The following DNAH9 variants were observed in gnomAD, a reference collection of about 807,000 sequenced individuals.
DNAH9 encodes the protein DNAH9 variant protein.
In DNAH9, 345 loss-of-function variants were observed where a neutral mutation model predicts 471.6. The observed-to-expected ratio is 0.73, with a 90% confidence interval of 0.67 to 0.80. The LOEUF (loss-of-function observed/expected upper bound fraction) is 0.80, where lower values mean the gene tolerates loss of function less well. Among genes scored for constraint, DNAH9 ranks in the 30% least tolerant of loss-of-function variants. The pLI, the probability that DNAH9 is intolerant of heterozygous loss-of-function variation, is 0.00. For missense variants in DNAH9, 5,407 were observed against 5,609.2 expected (o/e 0.96, Z 1.15); for synonymous variants, 2,093 against 2,123.6 (o/e 0.99, Z 0.40).
At chr17:11,713,578 G>T (rs2074910260) in intron 26 of DNAH9, among the ~76,000 whole-genome samples, 1 of 151,950 alleles carries the variant, frequency 6.6e-6, no homozygotes, top group African/African-American at 2.4e-5. Context: ...GTCTTTTGAA[G>T]TGCAAACGTT....
chr17:11,662,795 G>A (rs574739453), intron 14 of DNAH9, among the ~76,000 whole-genome samples: 96 of 107,302 alleles, frequency 8.9e-4, no homozygotes, highest in African/African-American at 3.2e-3. Flanking sequence ...TCGCTCTGTC[G>A]CCCAGGCTGG....
intron 17 of DNAH9, among the ~76,000 whole-genome samples, chr17:11,671,116 C>T (rs1000902604): frequency 7.9e-5 from 12 of 152,242 alleles, no homozygotes; most frequent in South Asian, 2.1e-4. Flanking sequence ...AGGACTGTGA[C>T]AGATGCCCCA....
In DNAH9 at chr17:11,836,832, A is replaced by G. The variant is rs900410432; in HGVS notation, c.9507+1934A>G. Among the ~76,000 whole-genome samples the G allele has an allele frequency of 4.6e-5, 7 of 152,348 alleles. No homozygotes were observed. The South Asian group carries it at 1.5e-3, about 32-fold the overall frequency. ...CTGATCATTCCTTGCCAAGAAGACA[A>G]ACGTCTTTCATAAGTTCTTTTCATA... On this transcript the variant is annotated intron_variant, in intron 49 of 68. Coordinates refer to ENST00000262442, the MANE Select transcript of DNAH9 (RefSeq NM_001372.4).
intron 28 of DNAH9, among the ~76,000 whole-genome samples, chr17:11,733,047 C>A (rs1025431870): frequency 5.3e-5 from 8 of 152,302 alleles, no homozygotes; most frequent in South Asian, 4.1e-4. Context: ...GGGAAAAAAA[C>A]CCAGAAATGT....
chr17:11,860,788 C>T (rs1266288409), intron 50 of DNAH9, among the ~76,000 whole-genome samples: 1 of 152,014 alleles, frequency 6.6e-6, no homozygotes, highest in Admixed American at 6.6e-5. Context: ...CTCGAACTCC[C>T]GACCTCAGGT....
chr17:11,882,888 A>T, intron 55 of DNAH9: 1 of 973,042 alleles, frequency 1.0e-6, no homozygotes. Flanking sequence ...GTCTTAAGGC[A>T]GGATCAAGAT....
At chr17:11,954,686 T>C (rs2151444220) in intron 67 of DNAH9, among the ~76,000 whole-genome samples, 1 of 151,390 alleles carries the variant, frequency 6.6e-6, no homozygotes, top group South Asian at 2.1e-4. Flanking sequence ...AAGAAATTTC[T>C]TAGAACCCAG....
intron 35 of DNAH9, among the ~76,000 whole-genome samples, chr17:11,762,317 C>G (rs1205790044): frequency 6.6e-6 from 1 of 152,160 alleles, no homozygotes; most frequent in Non-Finnish European, 1.5e-5. Context: ...CCTATGAACA[C>G]TTCATCCTGT....
At chr17:11,677,625 T>C (rs1197579311) in intron 17 of DNAH9, among the ~76,000 whole-genome samples, 1 of 152,216 alleles carries the variant, frequency 6.6e-6, no homozygotes, top group East Asian at 1.9e-4. Context: ...TTTTGTTCAT[T>C]AACATTGATC....
chr17:11,968,216 T>G (rs1680398119), intron 68 of DNAH9, among the ~76,000 whole-genome samples: 1 of 152,212 alleles, frequency 6.6e-6, no homozygotes, highest in African/African-American at 2.4e-5. Context: ...AAAAAGAGGT[T>G]CTACCTCTGT....
At chr17:11,861,887 ATTTG>A (rs1971862065) in intron 50 of DNAH9, among the ~76,000 whole-genome samples, 2 of 150,676 alleles carry the variant, frequency 1.3e-5, no homozygotes, top group South Asian at 4.2e-4. Flanking sequence ...TTTCTTGTAA[ATTTG>A]TTTGAGTTCA....
At chr17:11,818,375 G>T (rs1970177772) in intron 45 of DNAH9, among the ~76,000 whole-genome samples, 1 of 151,540 alleles carries the variant, frequency 6.6e-6, no homozygotes, top group African/African-American at 2.4e-5. Context: ...GTTGCAGTGA[G>T]CCAAGATCAT....
chr17:11,879,413 T>A (rs1567870694), intron 53 of DNAH9, among the ~76,000 whole-genome samples: 1 of 152,308 alleles, frequency 6.6e-6, no homozygotes, highest in South Asian at 2.1e-4. Context: ...TTAGGTTAAC[T>A]TTAAGATCTT....
At chr17:11,699,021 G>C (rs2079723) in intron 22 of DNAH9, among the ~76,000 whole-genome samples, 3 of 151,696 alleles carry the variant, frequency 2.0e-5, no homozygotes, top group East Asian at 3.9e-4. Context: ...GAGGCCAAGG[G>C]GGGCGGATCA....
chr17:11,883,752 T>TA lies in DNAH9; in HGVS notation c.10971+6dup, dbSNP rs1413786199. On this transcript the variant is annotated splice_region_variant and intron_variant, in intron 56 of 68. Coordinates refer to ENST00000262442, the MANE Select transcript of DNAH9 (RefSeq NM_001372.4). Reference sequence around the variant, plus strand: ...ACTGCTGCCGAAGTTGAGAAAAAGGTAAAACTCCTCTGGCTAGTCTGGGAA... The same window carrying TA: ...ACTGCTGCCGAAGTTGAGAAAAAGGTAAAAACTCCTCTGGCTAGTCTGGGAA... 1 of 1,613,416 alleles carries TA rather than the reference T, an allele frequency of 6.2e-7. No individual in the cohort carries two copies.
intron 24 of DNAH9, 78 bp from the exon 25 acceptor site, chr17:11,704,125 A>G: frequency 2.0e-6 from 3 of 1,533,952 alleles, no homozygotes; most frequent in South Asian, 2.4e-5. Flanking sequence ...TTACATCCTG[A>G]GCCCTTGCTG....
intron 42 of DNAH9, among the ~76,000 whole-genome samples, chr17:11,794,035 A>ATTTTT (rs1238765339): frequency 8.8e-6 from 1 of 114,160 alleles, no homozygotes; most frequent in African/African-American, 3.9e-5. Flanking sequence ...AATTTTGAGC[A>ATTTTT]ATTTTTTTTT....
At chr17:11,791,693 A>C (rs960506345) in intron 41 of DNAH9, among the ~76,000 whole-genome samples, 8 of 152,150 alleles carry the variant, frequency 5.3e-5, no homozygotes, top group African/African-American at 1.4e-4. Context: ...TCTGGGTGAC[A>C]AAAAGTGAGA....
intron 19 of DNAH9, 65 bp downstream of exon 19, chr17:11,680,954 T>A: frequency 7.1e-7 from 1 of 1,415,622 alleles, no homozygotes. Flanking sequence ...ATGGATAATC[T>A]TTTTGTGGGG....
Sources: allele counts gnomAD v4.1 joint callset (sites outside exome capture counted in the v4.1 genomes callset), GRCh38; gene constraint gnomAD v4.1.1; transcripts MANE v1.5; gene names NCBI Gene and HGNC (gene_info 2026-07-23, HGNC 2026-07-21).